SETD9: variants seen among roughly 807,000 people sequenced by gnomAD.
SETD9 encodes the protein SET domain containing 9, also known as SET domain-containing protein 9.
A neutral mutation model predicts 36.4 loss-of-function variants in SETD9; 37 were observed. The ratio of observed to expected loss-of-function variants is 1.02; its 90% confidence interval spans 0.78 to 1.34. The LOEUF is 1.34. SETD9 is among the 40% of genes most tolerant of loss of function. The probability of loss-of-function intolerance (pLI) is 0.00; values close to 1 mark genes in which losing one functional copy is unlikely to be tolerated. For missense variants in SETD9, 323 were observed against 353.2 expected (o/e 0.91, Z 0.69); for synonymous variants, 128 against 132.9 (o/e 0.96, Z 0.26).
downstream of SETD9, among the ~76,000 whole-genome samples, chr5:56,918,107 CTCTCCCTATCATG>C (rs1196773459): frequency 6.6e-6 from 1 of 150,822 alleles, no homozygotes; most frequent in African/African-American, 2.4e-5. Context: ...GCTCAAAACC[CTCTCCCTATCATG>C]GAGTAAATGC....
chr5:56,916,022 T>C (rs1480711863), intron 5 of SETD9, among the ~76,000 whole-genome samples: 1 of 151,994 alleles, frequency 6.6e-6, no homozygotes, highest in African/African-American at 2.4e-5. Flanking sequence ...CATGTGTATG[T>C]TTGTGTGTTT....
chr5:56,925,081 T>C (rs1370811225), intron 5 of SETD9, among the ~76,000 whole-genome samples: 1 of 152,194 alleles, frequency 6.6e-6, no homozygotes, highest in Non-Finnish European at 1.5e-5. Flanking sequence ...AATGAATGGA[T>C]AGAGTAAATT....
chr5:56,917,662 G>A (rs1749489541), downstream of SETD9, among the ~76,000 whole-genome samples: 1 of 152,166 alleles, frequency 6.6e-6, no homozygotes, highest in African/African-American at 2.4e-5. Context: ...TGTGGACTCT[G>A]GCTGCCAGCA....
rs529778138 is a variant in SETD9, at chr5:56,910,530, C to A, written c.99-639C>A. 9.7e-6 allele frequency: 6 copies of A among 619,542 alleles called. No individual in the cohort carries two copies. The South Asian group carries it at 1.1e-4, about 12-fold the overall frequency. 38.4% of individuals were successfully genotyped at this position (619,542 alleles called of 1,614,324 possible). A position where few individuals can be genotyped will look rare whatever the true frequency, so the allele number is the denominator to read the frequency against. On this transcript the variant is annotated intron_variant, in intron 1 of 5. Coordinates refer to ENST00000285947, the MANE Select transcript of SETD9 (RefSeq NM_153706.4). ...AAAGCGGTTTCCGGAAGGTTGCATGCTAGGGAAACAGGAGATCAGTTGTAT... is the reference window on the plus strand; with the variant it reads ...AAAGCGGTTTCCGGAAGGTTGCATGATAGGGAAACAGGAGATCAGTTGTAT...
intron 1 of SETD9, 154 bp from the exon 2 acceptor site, chr5:56,911,015 C>T: frequency 1.2e-6 from 1 of 816,144 alleles, no homozygotes; most frequent in Non-Finnish European, 1.8e-6. Flanking sequence ...ACTAGAACTC[C>T]CTCAAACAAT....
chr5:56,913,792 A>G lies in SETD9; in HGVS notation c.591-82A>G, dbSNP rs1749281005. 7.4e-6 allele frequency: 5 copies of G among 679,194 alleles called. No homozygotes were observed. The South Asian group carries it at 9.5e-5, about 13-fold the overall frequency. The allele number at this position is 679,194 out of a possible 1,614,324, so 42.1% of individuals were successfully genotyped here. A position where few individuals can be genotyped will look rare whatever the true frequency, so the allele number is the denominator to read the frequency against. On this transcript the variant is annotated intron_variant, in intron 3 of 5. Transcript: ENST00000285947. ...TTTTTTTTTTTTTAAGAAAAAATGC[A>G]CTGGTGTAATTCTAGGGTTTTGTAT...
At chr5:56,917,461 G>A (rs1387661487), downstream of SETD9, 2 of 419,588 alleles carry the variant, frequency 4.8e-6, no homozygotes, top group Non-Finnish European at 6.4e-6. Context: ...AAGAAAAGGT[G>A]GAAAAAAAGT....
chr5:56,913,291 C>G (rs759012308), intron 3 of SETD9, among the ~76,000 whole-genome samples, 157 bp downstream of exon 3: 1 of 151,970 alleles, frequency 6.6e-6, no homozygotes. Flanking sequence ...TGGCCTCAAG[C>G]GACCCTCCCA....
downstream of SETD9, among the ~76,000 whole-genome samples, chr5:56,917,590 C>T (rs1424970161): frequency 6.6e-6 from 1 of 152,158 alleles, no homozygotes; most frequent in African/African-American, 2.4e-5. Context: ...AGATTGACTC[C>T]CTGATTATGT....
chr5:56,913,232 T>A, intron 3 of SETD9, 98 bp downstream of exon 3: 3 of 1,348,370 alleles, frequency 2.2e-6, no homozygotes, highest in Non-Finnish European at 3.0e-6. Flanking sequence ...TTATTTTTTA[T>A]ATAAAGAGAT....
chr5:56,909,865 G>C (rs1370705509), intron 1 of SETD9, 122 bp downstream of exon 1: 1 of 899,196 alleles, frequency 1.1e-6, no homozygotes, highest in Non-Finnish European at 1.6e-6. Context: ...GCGGGCCCGG[G>C]TGGGCAGGGA....
At chr5:56,922,604 CCT>C (rs2112060252) in intron 5 of SETD9, 1 of 154,550 alleles carries the variant, frequency 6.5e-6, no homozygotes, top group East Asian at 1.9e-4. Flanking sequence ...GAAACCTACC[CCT>C]GCTTTTATTA....
In SETD9 at chr5:56,925,472, T is replaced by C. The variant is rs535212313; in HGVS notation, c.*136T>C. ...CTTTCCTATATAACAGCAATGACGA[T>C]TGAAATTTGAAATTTAAAACACAAG... On this transcript the variant is annotated 3_prime_UTR_variant, in exon 6 of 6. Transcript: ENST00000628593. 4.1e-5 allele frequency: 12 copies of C among 289,952 alleles called. 1 individual carries two copies. Among genetic ancestry groups the C allele is most frequent in the South Asian group, 1.5e-4 (5 of 32,324 alleles). The allele number at this position is 289,952 out of a possible 1,614,324, so 18.0% of individuals were successfully genotyped here.
intron 1 of SETD9, chr5:56,910,390 T>C: frequency 3.8e-6 from 5 of 1,303,942 alleles, no homozygotes; most frequent in Middle Eastern, 2.1e-4. Flanking sequence ...GGGTTTCGGA[T>C]TGGGGTGAGT....
downstream of SETD9, chr5:56,921,743 T>C (rs1208164152): frequency 1.3e-5 from 2 of 152,636 alleles, no homozygotes; most frequent in Admixed American, 1.3e-4. Flanking sequence ...GCAAAGCAAC[T>C]AGTAAAAATC....
intron 1 of SETD9, 23 bp downstream of exon 1, chr5:56,909,766 C>G: frequency 6.3e-7 from 1 of 1,595,538 alleles, no homozygotes; most frequent in Non-Finnish European, 8.6e-7. Flanking sequence ...GACGGCAGAA[C>G]GAGGGGCACC....
rs1245401283 is a variant in SETD9 at position 56,909,802 on chromosome 5, C to T, written c.98+59C>T. On this transcript the variant is annotated intron_variant, in intron 1 of 5. Coordinates refer to ENST00000285947, the MANE Select transcript of SETD9 (RefSeq NM_153706.4). ...TGCCTTCGGTTCCCAGACGCCACCACGGCGGCGGGACGCAAAGCGGAGAGC... is the reference window on the plus strand; with the variant it reads ...TGCCTTCGGTTCCCAGACGCCACCATGGCGGCGGGACGCAAAGCGGAGAGC... The T allele has an allele frequency of 8.4e-6, 11 of 1,304,912 alleles. No individual in the cohort carries two copies. The East Asian group carries it at 4.3e-4, about 51-fold the overall frequency. The allele number at this position is 1,304,912 out of a possible 1,614,324, so 80.8% of individuals were successfully genotyped here. A position where few individuals can be genotyped will look rare whatever the true frequency, so the allele number is the denominator to read the frequency against.
chr5:56,918,666 G>C (rs1013180165), downstream of SETD9, among the ~76,000 whole-genome samples: 4 of 152,146 alleles, frequency 2.6e-5, no homozygotes, highest in Non-Finnish European at 5.9e-5. Flanking sequence ...AGAGCCCTAT[G>C]TGCTAAGGTC....
chr5:56,924,979 G>T lies in SETD9; in HGVS notation c.813-354G>T, dbSNP rs1299723704. Reference sequence around the variant, plus strand: ...TCGCAGAGAATGCAGGCTTCGTGGGGCTACAGACCTTTTCTGTCTTATTCA... The same window carrying T: ...TCGCAGAGAATGCAGGCTTCGTGGGTCTACAGACCTTTTCTGTCTTATTCA... On this transcript the variant is annotated intron_variant, in intron 5 of 5. Transcript: ENST00000628593. 3.9e-5 allele frequency among the ~76,000 whole-genome samples: 6 copies of T among 152,156 alleles called. No individual in the cohort carries two copies. In the East Asian group the frequency reaches 1.2e-3, roughly 29 times the overall value.
Sources: gnomAD v4.1 joint callset for allele counts (sites outside exome capture counted in the v4.1 genomes callset) on GRCh38, gnomAD v4.1.1 for gene constraint, MANE v1.5 for transcripts, NCBI Gene and HGNC (gene_info 2026-07-23, HGNC 2026-07-21) for gene names.